KIRREL1: variants seen among roughly 807,000 people sequenced by gnomAD.
KIRREL1 encodes kirre like nephrin family adhesion molecule 1.
A neutral mutation model predicts 83.3 loss-of-function variants in KIRREL1; 25 were observed. The observed-to-expected ratio is 0.30, with a 90% CI of 0.22 to 0.42. The LOEUF (loss-of-function observed/expected upper bound fraction) is 0.42, where lower values mean the gene tolerates loss of function less well. Ranked by LOEUF, KIRREL1 falls within the 10% of genes least tolerant of loss-of-function variation. KIRREL1 has a pLI of 1.00. For synonymous variants in KIRREL1, 388 were observed against 410.4 expected, an observed-to-expected ratio of 0.95 and a Z score of 0.66; for missense variants, 812 against 1,032.3, an observed-to-expected ratio of 0.79 and a Z score of 2.92.
intron 10 of KIRREL1, 102 bp from the exon 11 acceptor site, chr1:158,091,256 A>G: frequency 9.4e-7 from 1 of 1,066,506 alleles, no homozygotes; most frequent in South Asian, 1.5e-5. Flanking sequence ...CACACATGGC[A>G]CATAGGGGTG....
chr1:158,069,968 C>T (rs1482140716), intron 1 of KIRREL1, among the ~76,000 whole-genome samples: 1 of 152,192 alleles, frequency 6.6e-6, no homozygotes, highest in Non-Finnish European at 1.5e-5. Context: ...TATGAATCAC[C>T]AAAACCTCTC....
At chr1:158,046,401 T>A (rs1660777180) in intron 1 of KIRREL1, among the ~76,000 whole-genome samples, 1 of 151,964 alleles carries the variant, frequency 6.6e-6, no homozygotes, top group African/African-American at 2.4e-5. Flanking sequence ...TTTGGACACA[T>A]TAAGTATGAG....
rs114736985 is a variant in KIRREL1 at position 158,049,348 on chromosome 1, G to T, written c.53-26765G>T. Among the ~76,000 whole-genome samples, 525 of 152,312 alleles carry T rather than the reference G, an allele frequency of 3.4e-3. 1 individual carries two copies. The highest frequency in any genetic ancestry group is 0.012 in the African/African-American group (504 of 41,566). On this transcript the variant is annotated intron_variant, in intron 1 of 14. Transcript: ENST00000359209. ...CTGAGGGTTTAAGGGAGGTTCTGGG[G>T]CCCTAAGCTGGAACTGTGTCTTGAT...
At chr1:158,083,304 G>A (rs1661919583) in intron 3 of KIRREL1, among the ~76,000 whole-genome samples, 2 of 152,226 alleles carry the variant, frequency 1.3e-5, no homozygotes, top group African/African-American at 4.8e-5. Flanking sequence ...TTCGATAACT[G>A]TTATAAGTAA....
intron 1 of KIRREL1, among the ~76,000 whole-genome samples, chr1:158,015,105 A>C (rs1428391946): frequency 1.3e-5 from 2 of 152,152 alleles, no homozygotes; most frequent in African/African-American, 4.8e-5. Flanking sequence ...AGTTTCATAA[A>C]GTCACCTTAC....
intron 1 of KIRREL1, among the ~76,000 whole-genome samples, chr1:157,999,402 A>G (rs1209140821): frequency 6.6e-6 from 1 of 152,216 alleles, no homozygotes; most frequent in Non-Finnish European, 1.5e-5. Context: ...ACCATTTGAT[A>G]GAGAGATACA....
intron 1 of KIRREL1, among the ~76,000 whole-genome samples, chr1:158,035,513 C>G (rs540778973): frequency 6.6e-6 from 1 of 152,304 alleles, no homozygotes; most frequent in African/African-American, 2.4e-5. Context: ...TAATGAGCAC[C>G]TATTCTGCAC....
chr1:158,000,515 T>C (rs937285738), intron 1 of KIRREL1, among the ~76,000 whole-genome samples: 3 of 152,250 alleles, frequency 2.0e-5, no homozygotes, highest in African/African-American at 7.2e-5. Context: ...CCAGCTCTTA[T>C]ACCTTCCTAC....
chr1:158,068,308 G>A (rs1389105382), intron 1 of KIRREL1, among the ~76,000 whole-genome samples: 2 of 152,164 alleles, frequency 1.3e-5, no homozygotes, highest in South Asian at 2.1e-4. Flanking sequence ...TGACATCTAC[G>A]TGTAGTCATT....
chr1:158,082,788 C>T (rs576446389), intron 3 of KIRREL1, among the ~76,000 whole-genome samples: 18 of 152,018 alleles, frequency 1.2e-4, no homozygotes, highest in African/African-American at 3.1e-4. Flanking sequence ...GGCAACATAG[C>T]GAAACCTCGT....
chr1:158,088,553 C>T lies in KIRREL1; in HGVS notation c.1044+99C>T, dbSNP rs997385952. 9 of 1,037,490 alleles carry T rather than the reference C, an allele frequency of 8.7e-6. 1 individual carries two copies. Among genetic ancestry groups the T allele is most frequent in the South Asian group, 6.4e-5 (3 of 47,152 alleles). 64.3% of individuals were successfully genotyped at this position (1,037,490 alleles called of 1,614,324 possible). A position where few individuals can be genotyped will look rare whatever the true frequency, so the allele number is the denominator to read the frequency against. On this transcript the variant is annotated intron_variant, in intron 8 of 14. Coordinates refer to ENST00000359209, the MANE Select transcript of KIRREL1 (RefSeq NM_018240.7). ...AGGCTGGAGTGCAGTGGCGCGATCT[C>T]GGCTCACTGCAAGCTCCGCCTCCCG...
chr1:158,073,915 G>C (rs11264897), intron 1 of KIRREL1, among the ~76,000 whole-genome samples: 3 of 152,062 alleles, frequency 2.0e-5, no homozygotes, highest in South Asian at 4.1e-4. Flanking sequence ...AAAGCCATGC[G>C]TATAAATTCC....
intron 1 of KIRREL1, among the ~76,000 whole-genome samples, chr1:158,007,804 CA>C (rs1463388727): frequency 6.6e-6 from 1 of 152,016 alleles, no homozygotes; most frequent in Admixed American, 6.5e-5. Context: ...GGCCATCCAC[CA>C]GCAGCCCCTG....
At position 158,093,355 on chromosome 1, in the gene KIRREL1, C is replaced by T. The variant is rs758741709; in HGVS notation, c.1488C>T (p.Gly496=). 3.1e-6 allele frequency: 5 copies of T among 1,613,980 alleles called. No homozygotes were observed. The Admixed American group carries it at 8.3e-5, about 27-fold the overall frequency. ...QLEEREVLPV[G]IIAGATIGAS... is the part of the protein sequence containing the mutation. ...CATCGAAAGAGGTGTTACCTGTGGG[C>T]ATCATAGCTGGGGCCACCATCGGCG... is the stretch of plus-strand genomic sequence containing the variant. The change falls in exon 12 of 15, where the codon GGC becomes GGT. Residue 496 remains glycine, a synonymous_variant. Transcript: ENST00000359209.
chr1:158,093,610 T>G lies in KIRREL1; in HGVS notation c.1580-13T>G. The G allele has an allele frequency of 6.2e-7, 1 of 1,613,922 alleles. No homozygotes were observed. Among genetic ancestry groups the G allele is most frequent in the Non-Finnish European group, 8.5e-7 (1 of 1,179,952 alleles). ...CAGGAAGCACTTGTTCCAGGCTGCCTCTCCCGTCCCAGGTCGCAAAGACGT... is the reference window on the plus strand; with the variant it reads ...CAGGAAGCACTTGTTCCAGGCTGCCGCTCCCGTCCCAGGTCGCAAAGACGT... On this transcript the variant is annotated splice_polypyrimidine_tract_variant and intron_variant, in intron 12 of 14. Coordinates refer to ENST00000359209, the MANE Select transcript of KIRREL1 (RefSeq NM_018240.7).
At chr1:158,042,009 G>A (rs953611984) in intron 1 of KIRREL1, among the ~76,000 whole-genome samples, 1 of 152,172 alleles carries the variant, frequency 6.6e-6, no homozygotes, top group African/African-American at 2.4e-5. Context: ...CAGGAACTCA[G>A]AGAACTTGCT....
At chr1:158,077,804 C>T (rs1661725869) in intron 2 of KIRREL1, among the ~76,000 whole-genome samples, 187 bp from the exon 3 acceptor site, 1 of 152,230 alleles carries the variant, frequency 6.6e-6, no homozygotes, top group Admixed American at 6.5e-5. Flanking sequence ...CTCCTGTCTG[C>T]TCCTCCAGCT....
At chr1:158,039,004 AG>A (rs1208989494) in intron 1 of KIRREL1, among the ~76,000 whole-genome samples, 1 of 152,244 alleles carries the variant, frequency 6.6e-6, no homozygotes. Context: ...TGAGGCAGTA[AG>A]CCCTGCAGCC....
intron 1 of KIRREL1, among the ~76,000 whole-genome samples, chr1:158,027,241 A>G (rs1047764668): frequency 6.6e-6 from 1 of 152,234 alleles, no homozygotes; most frequent in Non-Finnish European, 1.5e-5. Context: ...ATAAAAGGAT[A>G]GTAGAAAGGA....
Sources: allele counts gnomAD v4.1 joint callset (sites outside exome capture counted in the v4.1 genomes callset), GRCh38; gene constraint gnomAD v4.1.1; transcripts MANE v1.5; gene names NCBI Gene and HGNC (gene_info 2026-07-23, HGNC 2026-07-21).